ANO4: variants seen among roughly 807,000 people sequenced by gnomAD.
ANO4 encodes the protein anoctamin-4.
In ANO4, 69 loss-of-function variants were observed where a neutral mutation model predicts 141.9. The observed-to-expected ratio is 0.49, with a 90% CI of 0.40 to 0.59. The LOEUF is 0.59. Ranked by LOEUF, ANO4 falls within the 20% of genes least tolerant of loss-of-function variation. The pLI, the probability that ANO4 is intolerant of heterozygous loss-of-function variation, is 0.00. For missense variants in ANO4, 894 were observed against 1,162.2 expected, an observed-to-expected ratio of 0.77 and a Z score of 3.36; for synonymous variants, 350 against 394.3, an observed-to-expected ratio of 0.89 and a Z score of 1.33.
chr12:100,765,676 T>G (rs958270456), intron 3 of ANO4, among the ~76,000 whole-genome samples: 5 of 149,578 alleles, frequency 3.3e-5, no homozygotes, highest in Non-Finnish European at 7.4e-5. Flanking sequence ...ACGCCTGGCC[T>G]TTGTTTATGT....
At chr12:100,817,136 T>C (rs2035779386) in intron 1 of ANO4, among the ~76,000 whole-genome samples, 1 of 151,962 alleles carries the variant, frequency 6.6e-6, no homozygotes, top group Non-Finnish European at 1.5e-5. Context: ...ATTAGGCATT[T>C]ATATAATTCC....
intron 8 of ANO4, 23 bp from the exon 9 acceptor site, chr12:101,020,011 G>T (rs752814203): frequency 5.5e-5 from 86 of 1,572,860 alleles, no homozygotes; most frequent in Non-Finnish European, 7.3e-5. Flanking sequence ...TTCTCAACTT[G>T]TATTTTTAAT....
intron 21 of ANO4, 118 bp downstream of exon 21, chr12:101,098,063 A>G (rs2050054045): frequency 1.2e-6 from 1 of 838,618 alleles, no homozygotes; most frequent in Non-Finnish European, 1.9e-6. Context: ...TGCACCTGGA[A>G]CTAAGTGCTC....
At chr12:101,103,179 CATTTTAT>C (rs1419969409) in intron 22 of ANO4, among the ~76,000 whole-genome samples, 15 of 70,272 alleles carry the variant, frequency 2.1e-4, no homozygotes, top group African/African-American at 9.5e-4. Context: ...CCTTTTTAGT[CATTTTAT>C]ATATATATAT....
chr12:101,032,535 A>G (rs1239072468), intron 9 of ANO4, among the ~76,000 whole-genome samples: 3 of 152,384 alleles, frequency 2.0e-5, no homozygotes, highest in East Asian at 3.9e-4. Context: ...CAGGCAACCC[A>G]CAAAGTGGGA....
chr12:101,014,978 C>T (rs1259276069), intron 8 of ANO4, among the ~76,000 whole-genome samples: 1 of 149,460 alleles, frequency 6.7e-6, no homozygotes, highest in African/African-American at 2.4e-5. Context: ...TATAGGTTCA[C>T]ACCACCACAC....
At chr12:100,922,065 T>TC (rs1168951041) in intron 2 of ANO4, among the ~76,000 whole-genome samples, 161 bp from the exon 3 acceptor site, 1 of 150,376 alleles carries the variant, frequency 6.6e-6, no homozygotes, top group Non-Finnish European at 1.5e-5. Context: ...TTGTATATGT[T>TC]CCTTTTTTTT....
At chr12:100,886,178 G>A (rs545819608) in intron 1 of ANO4, among the ~76,000 whole-genome samples, 20 of 152,242 alleles carry the variant, frequency 1.3e-4, no homozygotes, top group African/African-American at 4.8e-4. Context: ...AGTTGAAGTA[G>A]AACAGTATTC....
chr12:100,843,328 T>G (rs1045038722), intron 1 of ANO4, among the ~76,000 whole-genome samples: 4 of 152,184 alleles, frequency 2.6e-5, no homozygotes, highest in African/African-American at 9.7e-5. Context: ...ATGAATAGAT[T>G]CACTAAACAA....
intron 26 of ANO4, among the ~76,000 whole-genome samples, chr12:101,121,573 C>T (rs931512074): frequency 6.6e-6 from 1 of 151,798 alleles, no homozygotes; most frequent in Non-Finnish European, 1.5e-5. Flanking sequence ...TGGTAGAATG[C>T]TTTATTTTCT....
intron 26 of ANO4, among the ~76,000 whole-genome samples, chr12:101,122,857 C>T (rs531056463): frequency 5.3e-5 from 8 of 152,214 alleles, no homozygotes; most frequent in South Asian, 4.1e-4. Flanking sequence ...TGTATCATCA[C>T]GGAATTATTT....
At chr12:101,035,719 GA>G (rs1181850602) in intron 9 of ANO4, among the ~76,000 whole-genome samples, 1 of 152,170 alleles carries the variant, frequency 6.6e-6, no homozygotes, top group Non-Finnish European at 1.5e-5. Flanking sequence ...CCAGGGAGCT[GA>G]AGGCCATTAT....
intron 2 of ANO4, among the ~76,000 whole-genome samples, chr12:100,913,599 A>G (rs1195493536): frequency 5.9e-5 from 9 of 152,218 alleles, no homozygotes; most frequent in South Asian, 4.1e-4. Flanking sequence ...AAGCATATAT[A>G]TAGGGTTCAG....
At chr12:100,966,784 T>C (rs1269874115) in intron 5 of ANO4, among the ~76,000 whole-genome samples, 2 of 151,646 alleles carry the variant, frequency 1.3e-5, no homozygotes, top group East Asian at 1.9e-4. Flanking sequence ...ACTATATATA[T>C]ACACACACAT....
intron 1 of ANO4, among the ~76,000 whole-genome samples, chr12:100,817,548 C>T (rs749510865): frequency 1.9e-4 from 29 of 151,838 alleles, no homozygotes; most frequent in African/African-American, 5.8e-4. Context: ...ATATAATTAC[C>T]GAGTCTCCTT....
chr12:101,076,920 A>G lies in ANO4; in HGVS notation c.1313-2273A>G, dbSNP rs79253062. Among the ~76,000 whole-genome samples, 657 of 152,312 alleles carry G rather than the reference A, an allele frequency of 4.3e-3. 3 individuals carry two copies. The highest frequency in any genetic ancestry group is 0.015 in the African/African-American group (633 of 41,556). On this transcript the variant is annotated intron_variant, in intron 14 of 27. Coordinates refer to ENST00000392977, the MANE Select transcript of ANO4 (RefSeq NM_001286615.2). ...AGACAGTTTGGTGAGGCAGAGGGCA[A>G]GCGTGCAGCAAAGAGTTAACACAGC...
chr12:101,007,552 C>T (rs2045922858), intron 8 of ANO4, among the ~76,000 whole-genome samples: 3 of 152,126 alleles, frequency 2.0e-5, no homozygotes, highest in Non-Finnish European at 4.4e-5. Context: ...TTTCTAAATT[C>T]AAACAGTTAG....
intron 1 of ANO4, among the ~76,000 whole-genome samples, chr12:100,869,585 G>A (rs1046697306): frequency 1.3e-5 from 2 of 152,148 alleles, no homozygotes; most frequent in Non-Finnish European, 2.9e-5. Flanking sequence ...CATGTACTTG[G>A]TGCTGCAGCT....
intron 26 of ANO4, 31 bp from the exon 27 acceptor site, chr12:101,126,848 C>A (rs1415121654): frequency 6.3e-7 from 1 of 1,584,520 alleles, no homozygotes; most frequent in Non-Finnish European, 8.6e-7. Context: ...GCACAGTAGA[C>A]CTGACGCTGT....
Sources: allele counts gnomAD v4.1 joint callset (sites outside exome capture counted in the v4.1 genomes callset), GRCh38; gene constraint gnomAD v4.1.1; transcripts MANE v1.5; gene names NCBI Gene and HGNC (gene_info 2026-07-23, HGNC 2026-07-21).